Variants in HDAC4 observed in about 807,000 individuals in gnomAD.
The protein encoded by HDAC4 is histone deacetylase 4.
A neutral mutation model predicts 135.1 loss-of-function variants in HDAC4; 16 were observed. That is an observed-to-expected ratio of 0.12 (90% CI 0.08 to 0.18). The LOEUF is 0.18. HDAC4 is among the 10% of genes least tolerant of loss of function. The probability of loss-of-function intolerance (pLI) is 1.00; values close to 1 mark genes in which losing one functional copy is unlikely to be tolerated. For synonymous variants in HDAC4, 685 were observed against 653.4 expected, an observed-to-expected ratio of 1.05 and a Z score of -0.74; for missense variants, 1,143 against 1,511.8, an observed-to-expected ratio of 0.76 and a Z score of 4.05.
At chr2:239,232,840 T>C (rs1223143838) in intron 3 of HDAC4, among the ~76,000 whole-genome samples, 1 of 17,280 alleles carries the variant, frequency 5.8e-5, no homozygotes, top group Non-Finnish European at 1.3e-4. Flanking sequence ...GGGTGGCCCT[T>C]CCCTCACCAA....
chr2:239,400,710 C>G lies in HDAC4; in HGVS notation c.-220+268G>C, dbSNP rs1405213958. On this transcript the variant is annotated intron_variant, in intron 1 of 26. Coordinates refer to ENST00000543185, the MANE Select transcript of HDAC4 (RefSeq NM_001378414.1). The surrounding 1 kb of genome is among the most constrained non-coding windows in gnomAD (Gnocchi z 4.7). ...CGCTTACCGCGGCGGGCGGCGGCGG[C>G]CGGCTCTAGCCCTGCTCCGGCGCTC... 1 of 145,738 alleles carries G rather than the reference C, an allele frequency of 6.9e-6. No individual in the cohort carries two copies. The highest frequency in any genetic ancestry group is 1.5e-5 in the Non-Finnish European group (1 of 65,500). 9.0% of individuals were successfully genotyped at this position (145,738 alleles called of 1,614,324 possible).
chr2:239,115,240 C>G lies in HDAC4; in HGVS notation c.1604G>C (p.Arg535Pro). ...CTCGTCCAGCAGAGCCTGGTGCTCA[C>G]GGAGCTCCTCCTCCGTCTCCTCCGG... ...SHPEETEEELREHQALLDEPY... is the reference protein window; with the variant it reads ...SHPEETEEELPEHQALLDEPY... Residue 535 changes from arginine (R) to proline (P), a missense_variant, in exon 13 of 27, where the codon CGT becomes CCT. Arg to Pro is a moderately radical substitution (Grantham distance 103, BLOSUM62 -2). Coordinates refer to ENST00000543185, the MANE Select transcript of HDAC4 (RefSeq NM_001378414.1). The surrounding 1 kb of genome is among the most constrained non-coding windows in gnomAD (Gnocchi z 6.3). 4 of 1,612,734 alleles carry G rather than the reference C, an allele frequency of 2.5e-6. No homozygotes were observed. Among genetic ancestry groups the G allele is most frequent in the Non-Finnish European group, 3.4e-6 (4 of 1,179,674 alleles).
intron 1 of HDAC4, among the ~76,000 whole-genome samples, chr2:239,387,860 G>A (rs1184017310): frequency 1.3e-5 from 2 of 152,286 alleles, no homozygotes; most frequent in African/African-American, 2.4e-5. Context: ...GTTCCACCAC[G>A]CATTGCAATG....
chr2:239,189,450 C>G (rs866473079), intron 4 of HDAC4, among the ~76,000 whole-genome samples: 7 of 152,018 alleles, frequency 4.6e-5, no homozygotes, highest in African/African-American at 1.7e-4. Context: ...TAGAAAAGTC[C>G]TAAGGAAAAG....
At chr2:239,178,364 G>A (rs1440849342) in intron 4 of HDAC4, among the ~76,000 whole-genome samples, 5 of 152,136 alleles carry the variant, frequency 3.3e-5, no homozygotes, top group East Asian at 1.9e-4. Flanking sequence ...TTGAGCTCCT[G>A]GGCTCAAGTG....
intron 3 of HDAC4, among the ~76,000 whole-genome samples, chr2:239,231,809 G>C (rs1575475098): frequency 1.6e-5 from 1 of 64,274 alleles, no homozygotes; most frequent in Non-Finnish European, 2.8e-5. Context: ...AACCGAGGCT[G>C]CTGAGCACCT....
At chr2:239,261,547 T>C (rs1477726195) in intron 2 of HDAC4, among the ~76,000 whole-genome samples, 1 of 152,160 alleles carries the variant, frequency 6.6e-6, no homozygotes, top group Non-Finnish European at 1.5e-5. Context: ...AAAATGGGCA[T>C]CTTACTAGCC....
intron 2 of HDAC4, among the ~76,000 whole-genome samples, chr2:239,254,393 T>A (rs1423231497): frequency 7.7e-6 from 1 of 129,072 alleles, no homozygotes; most frequent in African/African-American, 2.9e-5. Context: ...ATTAAAACAA[T>A]GTGGAAAAGA....
At chr2:239,360,801 T>A (rs1693816258) in intron 1 of HDAC4, among the ~76,000 whole-genome samples, 1 of 152,186 alleles carries the variant, frequency 6.6e-6, no homozygotes, top group Non-Finnish European at 1.5e-5. Context: ...CCTGGACCAG[T>A]TCCTTATCAC....
intron 3 of HDAC4, among the ~76,000 whole-genome samples, chr2:239,206,233 C>T (rs761124242): frequency 3.2e-4 from 49 of 151,996 alleles, no homozygotes; most frequent in African/African-American, 8.5e-4. Flanking sequence ...GAGGCTGAGG[C>T]GGGAAGATGG....
Position 239,303,413 on chromosome 2 carries a change from C to T in HDAC4, c.22+49265G>A, listed in dbSNP as rs539567732. ...TCCCTCACCCTTCTGCAGTCGCCACCGAGCACTCGTGGTGTGGCCCACAGG... is the reference window on the plus strand; with the variant it reads ...TCCCTCACCCTTCTGCAGTCGCCACTGAGCACTCGTGGTGTGGCCCACAGG... On this transcript the variant is annotated intron_variant, in intron 2 of 26. Transcript: ENST00000543185. The surrounding 1 kb of genome is among the most constrained non-coding windows in gnomAD (Gnocchi z 5.1). Among the ~76,000 whole-genome samples, 8 of 152,302 alleles carry T rather than the reference C, an allele frequency of 5.3e-5. No homozygotes were observed. In the East Asian group the frequency reaches 1.4e-3, roughly 26 times the overall value.
intron 20 of HDAC4, among the ~76,000 whole-genome samples, chr2:239,083,702 T>C (rs1003511707): frequency 2.0e-5 from 3 of 152,222 alleles, no homozygotes; most frequent in African/African-American, 7.2e-5. Flanking sequence ...TTGGGGGCAG[T>C]GGCACCCCCC....
rs1280484334 is a variant in HDAC4, at chr2:239,159,892, C to T, written c.612-3119G>A. Among the ~76,000 whole-genome samples, 17 of 152,394 alleles carry T rather than the reference C, an allele frequency of 1.1e-4. No homozygotes were observed. The East Asian group carries it at 2.9e-3, about 26-fold the overall frequency. On this transcript the variant is annotated intron_variant, in intron 6 of 26. Transcript: ENST00000543185. ...GTGCAGCCCCCACGGGGCCCTGGGG[C>T]CAACCCGGATGCCACACCTAAAGGC...
chr2:239,321,131 T>C (rs748190207), intron 2 of HDAC4, among the ~76,000 whole-genome samples: 3 of 152,188 alleles, frequency 2.0e-5, no homozygotes, highest in Non-Finnish European at 2.9e-5. Context: ...TTTATTATTG[T>C]CTCTTGCAGG....
chr2:239,209,961 C>G (rs2046271421), intron 3 of HDAC4, among the ~76,000 whole-genome samples: 1 of 152,182 alleles, frequency 6.6e-6, no homozygotes, highest in South Asian at 2.1e-4. Context: ...ACCGACCCAA[C>G]TACGGGTGGA....
intron 3 of HDAC4, among the ~76,000 whole-genome samples, chr2:239,191,312 C>T (rs1333631323): frequency 6.6e-6 from 1 of 152,226 alleles, no homozygotes; most frequent in African/African-American, 2.4e-5. Flanking sequence ...GCAGCCCACC[C>T]ACGTTCACCC....
chr2:239,080,958 C>G, intron 22 of HDAC4, 137 bp downstream of exon 22: 1 of 643,672 alleles, frequency 1.6e-6, no homozygotes, highest in Non-Finnish European at 2.7e-6. Context: ...TGAACTGAGA[C>G]AGCTCCTCCG....
Position 239,262,234 on chromosome 2 carries a change from T to C in HDAC4, c.23-25570A>G, listed in dbSNP as rs1317433345. On this transcript the variant is annotated intron_variant, in intron 2 of 26. Coordinates refer to ENST00000543185, the MANE Select transcript of HDAC4 (RefSeq NM_001378414.1). The surrounding 1 kb of genome is among the most constrained non-coding windows in gnomAD (Gnocchi z 4.1). ...TAGTATTTCCTCCTGTGGTGTCTCC[T>C]TGGGGGAATCCTAAATTTCTGTGAT... is the stretch of plus-strand genomic sequence containing the variant. Among the ~76,000 whole-genome samples the C allele has an allele frequency of 1.3e-5, 2 of 152,286 alleles. No homozygotes were observed. The highest frequency in any genetic ancestry group is 2.1e-4 in the South Asian group (1 of 4,820).
intron 3 of HDAC4, among the ~76,000 whole-genome samples, chr2:239,215,995 A>G (rs994982181): frequency 2.6e-5 from 4 of 152,232 alleles, no homozygotes; most frequent in African/African-American, 9.6e-5. Context: ...TTATTTTAAA[A>G]TAATAGGTAC....
Sources: allele counts gnomAD v4.1 joint callset (sites outside exome capture counted in the v4.1 genomes callset), GRCh38; gene constraint gnomAD v4.1.1; non-coding constraint Gnocchi (gnomAD v3.1); transcripts MANE v1.5; gene names NCBI Gene and HGNC (gene_info 2026-07-23, HGNC 2026-07-21).